Variants in EPB41L4A observed in about 807,000 individuals in gnomAD.
EPB41L4A encodes erythrocyte membrane protein band 4.1 like 4A.
In EPB41L4A, 100 loss-of-function variants were observed where a neutral mutation model predicts 108.6. The ratio of observed to expected loss-of-function variants is 0.92; its 90% CI spans 0.78 to 1.09. The LOEUF is 1.09. Among genes scored for constraint, EPB41L4A ranks in the 50% least tolerant of loss-of-function variants. The pLI, the probability that EPB41L4A is intolerant of heterozygous loss-of-function variation, is 0.00. For missense variants in EPB41L4A, 1,030 were observed against 842.7 expected, an observed-to-expected ratio of 1.22 and a Z score of -2.75; for synonymous variants, 319 against 289.0, an observed-to-expected ratio of 1.10 and a Z score of -1.05.
At chr5:112,149,424 A>G (rs1759382146) in intron 12 of EPB41L4A, among the ~76,000 whole-genome samples, 1 of 152,214 alleles carries the variant, frequency 6.6e-6, no homozygotes, top group Non-Finnish European at 1.5e-5. Context: ...GTGAGCTGAG[A>G]TCGCGCCACT....
intron 9 of EPB41L4A, among the ~76,000 whole-genome samples, chr5:112,243,084 G>T (rs1749917464): frequency 6.6e-6 from 1 of 151,984 alleles, no homozygotes; most frequent in African/African-American, 2.4e-5. Context: ...CATGGTGGCA[G>T]GCGCCTGTAA....
At chr5:112,328,782 T>G (rs1756357084) in intron 1 of EPB41L4A, among the ~76,000 whole-genome samples, 2 of 152,250 alleles carry the variant, frequency 1.3e-5, no homozygotes, top group African/African-American at 4.8e-5. Context: ...CTTGCATTTT[T>G]TGGTTAGTTG....
chr5:112,203,969 G>A (rs184906404), intron 15 of EPB41L4A, among the ~76,000 whole-genome samples: 4,931 of 151,902 alleles, frequency 0.032, 305 homozygotes, highest in African/African-American at 0.11. Context: ...AACCCAGGAG[G>A]CGGAGGTTGC....
chr5:112,235,304 T>TA (rs1441453866), intron 11 of EPB41L4A, among the ~76,000 whole-genome samples: 4 of 152,232 alleles, frequency 2.6e-5, no homozygotes, highest in Non-Finnish European at 4.4e-5. Context: ...ACTGCTGCTC[T>TA]ATACATTCCA....
intron 12 of EPB41L4A, among the ~76,000 whole-genome samples, chr5:112,215,229 T>TA (rs1394723102): frequency 6.6e-6 from 1 of 152,224 alleles, no homozygotes; most frequent in Non-Finnish European, 1.5e-5. Flanking sequence ...TGCGGCAATA[T>TA]ACCTTGCAGG....
chr5:112,202,544 C>T (rs1279158790), intron 15 of EPB41L4A, among the ~76,000 whole-genome samples: 1 of 152,136 alleles, frequency 6.6e-6, no homozygotes, highest in African/African-American at 2.4e-5. Context: ...ATAGAGCAAG[C>T]ACTTTGCTCA....
chr5:112,185,116 G>T (rs10054610), intron 17 of EPB41L4A, among the ~76,000 whole-genome samples: 113,222 of 149,798 alleles, frequency 0.76, 43,162 homozygotes, highest in East Asian at 1. Context: ...TTGGCAAAAC[G>T]GAACCCCTGT....
chr5:112,144,513 G>A (rs1203704464), intron 13 of EPB41L4A, among the ~76,000 whole-genome samples: 1 of 152,132 alleles, frequency 6.6e-6, no homozygotes, highest in Non-Finnish European at 1.5e-5. Context: ...CTGGGCCCAA[G>A]CAATCTGCCA....
intron 3 of EPB41L4A, among the ~76,000 whole-genome samples, chr5:112,280,060 T>C (rs899101702): frequency 1.3e-5 from 2 of 152,198 alleles, no homozygotes; most frequent in Non-Finnish European, 2.9e-5. Context: ...AAAAATTCCA[T>C]ACTAAGATCC....
intron 1 of EPB41L4A, among the ~76,000 whole-genome samples, chr5:112,371,979 C>T (rs1032566880): frequency 2.6e-5 from 4 of 152,128 alleles, no homozygotes; most frequent in Admixed American, 2.0e-4. Flanking sequence ...GGCTTGAGCC[C>T]AGGAGTTTAA....
At chr5:112,375,064 C>G (rs558720696) in intron 1 of EPB41L4A, among the ~76,000 whole-genome samples, 4 of 152,292 alleles carry the variant, frequency 2.6e-5, no homozygotes, top group Non-Finnish European at 5.9e-5. Flanking sequence ...TCAGCAGGAT[C>G]AGAATCTCCT....
intron 1 of EPB41L4A, among the ~76,000 whole-genome samples, chr5:112,417,784 T>C (rs115123121): frequency 0.012 from 1,795 of 152,322 alleles, 17 homozygotes; most frequent in Middle Eastern, 0.024. Flanking sequence ...TAGCTTTAAC[T>C]GATTATTTTT....
chr5:112,173,981 T>C lies in EPB41L4A; in HGVS notation c.1623-2989A>G, dbSNP rs533896780. 4.1e-3 allele frequency among the ~76,000 whole-genome samples: 630 copies of C among 152,302 alleles called. 1 individual carries two copies. The highest frequency in any genetic ancestry group is 6.6e-3 in the Admixed American group (101 of 15,290). ...TTAATCTGAACGAGATCATCAGACC[T>C]TCTAGCCATTAACATTGGTCCTAAA... On this transcript the variant is annotated intron_variant, in intron 18 of 22. Transcript: ENST00000261486.
intron 17 of EPB41L4A, among the ~76,000 whole-genome samples, chr5:112,193,137 T>TA (rs1761787629): frequency 6.6e-6 from 1 of 152,144 alleles, no homozygotes; most frequent in Admixed American, 6.5e-5. Context: ...AATGCTTTCC[T>TA]AAAAAAATGT....
chr5:112,151,204 C>A (rs764871986), intron 12 of EPB41L4A, among the ~76,000 whole-genome samples: 1 of 151,302 alleles, frequency 6.6e-6, no homozygotes, highest in African/African-American at 2.4e-5. Flanking sequence ...AGTGGTAACC[C>A]GTAAAAAAAG....
chr5:112,310,421 T>C (rs749648517), intron 1 of EPB41L4A, among the ~76,000 whole-genome samples: 8 of 152,238 alleles, frequency 5.3e-5, no homozygotes, highest in Admixed American at 1.3e-4. Context: ...AATAAAAGAA[T>C]AACTAGTAGT....
At chr5:112,415,210 C>T (rs927310423) in intron 1 of EPB41L4A, among the ~76,000 whole-genome samples, 7 of 152,058 alleles carry the variant, frequency 4.6e-5, no homozygotes, top group African/African-American at 1.7e-4. Flanking sequence ...CCAAAAGCAT[C>T]AAAACTGACT....
chr5:112,332,548 C>G (rs1199062940), intron 1 of EPB41L4A, among the ~76,000 whole-genome samples: 1 of 152,224 alleles, frequency 6.6e-6, no homozygotes, highest in East Asian at 1.9e-4. Flanking sequence ...CCCAGACTCT[C>G]TCTGGAGTCA....
chr5:112,396,937 A>T (rs1321542192), intron 1 of EPB41L4A, among the ~76,000 whole-genome samples: 2 of 152,188 alleles, frequency 1.3e-5, no homozygotes, highest in African/African-American at 4.8e-5. Flanking sequence ...TCTTTGTAAA[A>T]TATTATTTTA....
Sources: gnomAD v4.1 joint callset for allele counts (sites outside exome capture counted in the v4.1 genomes callset) on GRCh38, gnomAD v4.1.1 for gene constraint, MANE v1.5 for transcripts, NCBI Gene and HGNC (gene_info 2026-07-23, HGNC 2026-07-21) for gene names.